Variants in ASAH2 observed in about 807,000 individuals in gnomAD.
ASAH2 encodes the protein N-acylsphingosine amidohydrolase 2.
In ASAH2, 58 loss-of-function variants were observed where a neutral mutation model predicts 82.9. The ratio of observed to expected loss-of-function variants is 0.70; its 90% CI spans 0.57 to 0.87. The LOEUF is 0.87. Among genes scored for constraint, ASAH2 ranks in the 40% least tolerant of loss-of-function variants. The pLI is 0.00. For missense variants in ASAH2, 779 were observed against 834.0 expected (o/e 0.93, Z 0.81); for synonymous variants, 276 against 289.7 (o/e 0.95, Z 0.48).
rs570923340 is a variant in ASAH2, at chr10:50,194,680, C to A, written c.2005-1968G>T. Among the ~76,000 whole-genome samples the A allele has an allele frequency of 3.1e-3, 473 of 150,986 alleles. 2 individuals are homozygous for A. Among genetic ancestry groups the A allele is most frequent in the African/African-American group, 0.011 (459 of 41,270 alleles). ...AAATATACTACAAAGCTATAGTAAT[C>A]AACACAGCATGGTACTGGCCTAAAG... On this transcript the variant is annotated intron_variant, in intron 18 of 20. Transcript: ENST00000682911.
At chr10:50,225,433 A>G (rs1845854528) in intron 7 of ASAH2, among the ~76,000 whole-genome samples, 1 of 152,190 alleles carries the variant, frequency 6.6e-6, no homozygotes, top group Non-Finnish European at 1.5e-5. Flanking sequence ...AAAAATTAAA[A>G]AATTAAAAAA....
intron 7 of ASAH2, among the ~76,000 whole-genome samples, chr10:50,219,108 G>A (rs1204387608): frequency 6.6e-6 from 1 of 152,116 alleles, no homozygotes; most frequent in Non-Finnish European, 1.5e-5. Context: ...CAAACGTTGC[G>A]AAGAAACAGG....
Position 50,212,952 on chromosome 10 carries a change from G to T in ASAH2, c.1227+20C>A. On this transcript the variant is annotated intron_variant, in intron 10 of 20. Coordinates refer to ENST00000682911, the MANE Select transcript of ASAH2 (RefSeq NM_019893.4). ...GGACAATTTTAAACAAAGATTAAAG[G>T]AGCGAGGCCCATGGCTTACCTTTGC... is the stretch of plus-strand genomic sequence containing the variant. 6.2e-7 allele frequency: 1 copy of T among 1,604,742 alleles called. No homozygotes were observed. Among genetic ancestry groups the T allele is most frequent in the Admixed American group, 1.7e-5 (1 of 59,966 alleles).
intron 2 of ASAH2, among the ~76,000 whole-genome samples, chr10:50,247,983 T>C (rs1209902312): frequency 5.3e-5 from 8 of 152,188 alleles, no homozygotes; most frequent in Non-Finnish European, 1.0e-4. Context: ...TGCACCTGTC[T>C]CCTCCTTGGT....
intron 6 of ASAH2, among the ~76,000 whole-genome samples, chr10:50,233,565 GA>G: frequency 6.6e-6 from 1 of 152,150 alleles, no homozygotes; most frequent in South Asian, 2.1e-4. Flanking sequence ...ATTTGTCTTT[GA>G]AATTTCTACT....
Position 50,187,134 on chromosome 10 carries a change from A to T in ASAH2, c.*181T>A, listed in dbSNP as rs1355855843. 10,092 of 276,774 alleles carry T rather than the reference A, an allele frequency of 0.036. 210 individuals carry two copies. The highest frequency in any genetic ancestry group is 0.048 in the Non-Finnish European group (6,389 of 133,900). 17.1% of individuals were successfully genotyped at this position (276,774 alleles called of 1,614,324 possible). A position where few individuals can be genotyped will look rare whatever the true frequency, so the allele number is the denominator to read the frequency against. ...CTCTCTCTCTCACACACACACACAC[A>T]CACACACACACACACACACACACAC... On this transcript the variant is annotated 3_prime_UTR_variant, in exon 21 of 21. Transcript: ENST00000682911.
At chr10:50,202,363 G>T (rs1845172395) in intron 16 of ASAH2, among the ~76,000 whole-genome samples, 1 of 151,910 alleles carries the variant, frequency 6.6e-6, no homozygotes, top group Admixed American at 6.6e-5. Flanking sequence ...AACTCTCTGG[G>T]ACTCTGTTTC....
intron 12 of ASAH2, among the ~76,000 whole-genome samples, chr10:50,210,318 G>A (rs1845418590): frequency 6.6e-6 from 1 of 151,994 alleles, no homozygotes; most frequent in Admixed American, 6.6e-5. Flanking sequence ...ATGGCCAAAT[G>A]GTGAAACCCC....
chr10:50,244,283 A>G (rs1846386501), intron 3 of ASAH2, among the ~76,000 whole-genome samples: 1 of 151,968 alleles, frequency 6.6e-6, no homozygotes, highest in Non-Finnish European at 1.5e-5. Flanking sequence ...ACTTATCAGG[A>G]CTCTACAACT....
chr10:50,212,908 C>T (rs1845496274), intron 10 of ASAH2, 64 bp downstream of exon 10: 1 of 1,458,994 alleles, frequency 6.9e-7, no homozygotes. Flanking sequence ...CCTAATGAAC[C>T]AAGTCAATGG....
chr10:50,206,571 C>CACAT (rs1845304512), intron 12 of ASAH2, among the ~76,000 whole-genome samples: 1 of 150,892 alleles, frequency 6.6e-6, no homozygotes, highest in African/African-American at 2.4e-5. Context: ...CACACACACA[C>CACAT]ACACACAAAG....
intron 14 of ASAH2, 68 bp from the exon 15 acceptor site, chr10:50,203,747 G>A: frequency 7.3e-7 from 1 of 1,377,684 alleles, no homozygotes; most frequent in Non-Finnish European, 1.0e-6. Flanking sequence ...AGAAACACTG[G>A]CAGTGAAAGC....
At chr10:50,233,413 C>CT (rs1846064863) in intron 6 of ASAH2, 152 bp from the exon 7 acceptor site, 2 of 652,948 alleles carry the variant, frequency 3.1e-6, no homozygotes, top group Non-Finnish European at 5.6e-6. Context: ...TATCCAGTAC[C>CT]TCATTTATCA....
intron 7 of ASAH2, among the ~76,000 whole-genome samples, chr10:50,223,953 C>G (rs1845813463): frequency 6.6e-6 from 1 of 152,162 alleles, no homozygotes. Context: ...CCAGAAGGAA[C>G]CAACCCTGCT....
intron 4 of ASAH2, among the ~76,000 whole-genome samples, chr10:50,242,430 A>G (rs1846326467): frequency 6.6e-6 from 1 of 152,200 alleles, no homozygotes; most frequent in African/African-American, 2.4e-5. Context: ...GACATTTATG[A>G]TCATTGTTCT....
At chr10:50,225,026 C>G (rs1845842627) in intron 7 of ASAH2, among the ~76,000 whole-genome samples, 2 of 152,176 alleles carry the variant, frequency 1.3e-5, no homozygotes, top group South Asian at 4.1e-4. Context: ...CCAACTCCAC[C>G]CCAGAGAAGT....
intron 4 of ASAH2, among the ~76,000 whole-genome samples, chr10:50,242,985 G>C (rs115276074): frequency 2.6e-5 from 4 of 152,188 alleles, no homozygotes; most frequent in African/African-American, 7.2e-5. Flanking sequence ...GTCATCAGCA[G>C]AAGTGAAAGC....
chr10:50,197,426 A>G (rs1376053072), intron 17 of ASAH2, among the ~76,000 whole-genome samples: 3 of 151,668 alleles, frequency 2.0e-5, no homozygotes, highest in African/African-American at 7.2e-5. Flanking sequence ...GACTGGTTTA[A>G]TCTATATTGC....
Position 50,238,036 on chromosome 10 carries a change from A to G in ASAH2, c.511-1972T>C, listed in dbSNP as rs932956835. The stretch of plus-strand genomic sequence containing the variant: ...TGAGTATGGCATAGACACTCTGATA[A>G]GCTGTCTCTCTGGAACATACAATAA... On this transcript the variant is annotated intron_variant, in intron 4 of 20. Coordinates refer to ENST00000682911, the MANE Select transcript of ASAH2 (RefSeq NM_019893.4). Among the ~76,000 whole-genome samples, 46 of 152,322 alleles carry G rather than the reference A, an allele frequency of 3.0e-4. 1 individual carries two copies. The highest frequency in any genetic ancestry group is 1.1e-3 in the African/African-American group (44 of 41,574).
Sources: allele counts gnomAD v4.1 joint callset (sites outside exome capture counted in the v4.1 genomes callset), GRCh38; gene constraint gnomAD v4.1.1; transcripts MANE v1.5; gene names NCBI Gene and HGNC (gene_info 2026-07-23, HGNC 2026-07-21).